TBC1D5: variants seen among roughly 807,000 people sequenced by gnomAD.
TBC1D5 encodes TBC1 domain family, member 5.
Under a neutral mutation model 100.3 loss-of-function variants are expected in TBC1D5, and 75 were observed. The ratio of observed to expected loss-of-function variants is 0.75; its 90% confidence interval spans 0.62 to 0.91. TBC1D5 has a LOEUF of 0.91. Among genes scored for constraint, TBC1D5 ranks in the 40% least tolerant of loss-of-function variants. The probability of loss-of-function intolerance (pLI) is 0.00; values close to 1 mark genes in which losing one functional copy is unlikely to be tolerated. For missense variants in TBC1D5, 910 were observed against 942.4 expected (o/e 0.97, Z 0.45); for synonymous variants, 323 against 325.6 (o/e 0.99, Z 0.09).
At chr3:17,353,802 G>T (rs1439475345) in intron 13 of TBC1D5, among the ~76,000 whole-genome samples, 3 of 152,034 alleles carry the variant, frequency 2.0e-5, no homozygotes, top group African/African-American at 4.8e-5. Flanking sequence ...AACAGATCAG[G>T]CATTTATTAG....
At chr3:17,189,319 T>C (rs1424864317) in intron 18 of TBC1D5, among the ~76,000 whole-genome samples, 2 of 152,146 alleles carry the variant, frequency 1.3e-5, no homozygotes, top group African/African-American at 4.8e-5. Flanking sequence ...CCCAGAAAGA[T>C]TAATTAAAGC....
At chr3:17,344,454 G>A (rs937676739) in intron 13 of TBC1D5, among the ~76,000 whole-genome samples, 9 of 151,350 alleles carry the variant, frequency 5.9e-5, no homozygotes, top group African/African-American at 2.2e-4. Flanking sequence ...ATGCTCATGG[G>A]TAGGAAGAAT....
At chr3:17,187,449 G>C (rs979385543) in intron 18 of TBC1D5, among the ~76,000 whole-genome samples, 2 of 152,170 alleles carry the variant, frequency 1.3e-5, no homozygotes, top group African/African-American at 4.8e-5. Context: ...CGTGAATAAA[G>C]TTTTTCTGGA....
intron 1 of TBC1D5, among the ~76,000 whole-genome samples, chr3:17,650,150 G>T (rs573105750): frequency 2.2e-4 from 34 of 152,226 alleles, no homozygotes; most frequent in Middle Eastern, 3.4e-3. Context: ...TGCGGGGTGG[G>T]GGGCTGGGGA....
chr3:17,183,791 G>A (rs142843100), intron 19 of TBC1D5, among the ~76,000 whole-genome samples: 3 of 152,284 alleles, frequency 2.0e-5, no homozygotes, highest in East Asian at 1.9e-4. Flanking sequence ...AATGACAGCC[G>A]TTGTTACTTG....
At chr3:17,304,939 T>G (rs1361803255) in intron 14 of TBC1D5, among the ~76,000 whole-genome samples, 1 of 152,182 alleles carries the variant, frequency 6.6e-6, no homozygotes, top group Non-Finnish European at 1.5e-5. Context: ...TTGTTTTTAT[T>G]TAGTTATCTT....
chr3:17,652,778 A>G (rs2065699446), intron 1 of TBC1D5, among the ~76,000 whole-genome samples: 1 of 152,212 alleles, frequency 6.6e-6, no homozygotes. Flanking sequence ...AATGAAAGCC[A>G]GAAGAATTAA....
chr3:17,423,923 G>A (rs79333082), intron 4 of TBC1D5, among the ~76,000 whole-genome samples: 3,397 of 152,028 alleles, frequency 0.022, 121 homozygotes, highest in African/African-American at 0.077. Flanking sequence ...TAACTAAATT[G>A]ACTATTAAGC....
chr3:17,389,105 T>A (rs1460684727), intron 8 of TBC1D5, among the ~76,000 whole-genome samples: 1 of 152,122 alleles, frequency 6.6e-6, no homozygotes, highest in East Asian at 1.9e-4. Context: ...CTTTTTTATC[T>A]TGTAATGTAT....
chr3:17,343,463 A>G (rs1177542513), intron 13 of TBC1D5, among the ~76,000 whole-genome samples: 5 of 148,834 alleles, frequency 3.4e-5, no homozygotes, highest in African/African-American at 1.2e-4. Context: ...CTTTGGTATC[A>G]GGATGATGCT....
upstream of TBC1D5, chr3:17,742,519 A>ATCCTCC (rs1560605164): frequency 1.3e-5 from 2 of 151,574 alleles, no homozygotes; most frequent in Admixed American, 6.6e-5. Flanking sequence ...TATTCCCTGA[A>ATCCTCC]TCCTCCTCCT....
chr3:17,397,221 A>C (rs1013462886), intron 8 of TBC1D5, among the ~76,000 whole-genome samples: 1 of 152,132 alleles, frequency 6.6e-6, no homozygotes, highest in African/African-American at 2.4e-5. Context: ...AAAATATCAA[A>C]TAAGGTGTGT....
chr3:17,183,161 C>G (rs2068637176), intron 19 of TBC1D5, among the ~76,000 whole-genome samples: 1 of 152,188 alleles, frequency 6.6e-6, no homozygotes, highest in Admixed American at 6.5e-5. Flanking sequence ...CCTAGCTCTG[C>G]CTGTGCTGGC....
At chr3:17,499,654 C>T (rs545504242) in intron 3 of TBC1D5, among the ~76,000 whole-genome samples, 1 of 147,370 alleles carries the variant, frequency 6.8e-6, no homozygotes, top group South Asian at 2.1e-4. Context: ...CATGATTGTA[C>T]CACTGCCTGT....
At chr3:17,495,602 T>C (rs1486399123) in intron 3 of TBC1D5, among the ~76,000 whole-genome samples, 3 of 152,204 alleles carry the variant, frequency 2.0e-5, no homozygotes, top group African/African-American at 2.4e-5. Flanking sequence ...TTATTCTTCC[T>C]TGGGTCTTCT....
At chr3:17,682,129 T>G (rs1340734720) in intron 1 of TBC1D5, among the ~76,000 whole-genome samples, 2 of 151,294 alleles carry the variant, frequency 1.3e-5, no homozygotes, top group Non-Finnish European at 2.9e-5. Flanking sequence ...ATTAGAAGAT[T>G]TACAAGGCAA....
intron 17 of TBC1D5, among the ~76,000 whole-genome samples, chr3:17,231,975 T>C (rs1368027774): frequency 6.6e-6 from 1 of 152,102 alleles, no homozygotes; most frequent in African/African-American, 2.4e-5. Context: ...GCAAAGGTAA[T>C]GCCCAACCAA....
At chr3:17,633,958 T>C (rs1487123454) in intron 1 of TBC1D5, among the ~76,000 whole-genome samples, 3 of 152,102 alleles carry the variant, frequency 2.0e-5, no homozygotes, top group Non-Finnish European at 2.9e-5. Context: ...AATATGAATA[T>C]GAAAAGGTGC....
chr3:17,522,814 G>A (rs1163816681), intron 2 of TBC1D5, among the ~76,000 whole-genome samples: 2 of 152,112 alleles, frequency 1.3e-5, no homozygotes, highest in African/African-American at 4.8e-5. Context: ...GTACATTAGA[G>A]TTCTATAATT....
Sources: gnomAD v4.1 joint callset for allele counts (sites outside exome capture counted in the v4.1 genomes callset) on GRCh38, gnomAD v4.1.1 for gene constraint, MANE v1.5 for transcripts, NCBI Gene and HGNC (gene_info 2026-07-23, HGNC 2026-07-21) for gene names.